LRFN2: variants seen among roughly 807,000 people sequenced by gnomAD.
The protein encoded by LRFN2 is leucine-rich repeat and fibronectin type-III domain-containing protein 2.
A neutral mutation model predicts 37.3 loss-of-function variants in LRFN2; 18 were observed. The observed-to-expected ratio is 0.48, with a 90% confidence interval of 0.33 to 0.72. The LOEUF is 0.72. Among genes scored for constraint, LRFN2 ranks in the 30% least tolerant of loss-of-function variants. LRFN2 has a pLI of 0.02. For missense variants in LRFN2, 1,006 were observed against 1,060.7 expected (o/e 0.95, Z 0.72); for synonymous variants, 556 against 466.6 (o/e 1.19, Z -2.47).
intron 2 of LRFN2, among the ~76,000 whole-genome samples, chr6:40,415,210 T>TTTTTGTTTTGTTTTGTTTTG (rs5875718): frequency 3.3e-5 from 5 of 150,162 alleles, no homozygotes; most frequent in African/African-American, 4.9e-5. Context: ...CTTTTACTTG[T>TTTTTGTTTTGTTTTGTTTTG]TTTTGTTTTG....
At chr6:40,402,181 G>A (rs548076615) in intron 2 of LRFN2, among the ~76,000 whole-genome samples, 2 of 152,322 alleles carry the variant, frequency 1.3e-5, no homozygotes, top group East Asian at 3.9e-4. Context: ...CTTACTACGT[G>A]CCAGGAACTT....
chr6:40,542,958 C>T (rs1006551157), intron 1 of LRFN2, among the ~76,000 whole-genome samples: 5 of 152,204 alleles, frequency 3.3e-5, no homozygotes, highest in South Asian at 2.1e-4. Flanking sequence ...GCAAAGTGAA[C>T]GAGTGCTAAG....
intron 1 of LRFN2, among the ~76,000 whole-genome samples, chr6:40,558,007 C>T (rs1023279794): frequency 6.6e-6 from 1 of 152,196 alleles, no homozygotes; most frequent in Non-Finnish European, 1.5e-5. Flanking sequence ...GTCCACTTGC[C>T]TGAAAGAAGA....
chr6:40,456,119 C>A (rs915602806), intron 1 of LRFN2, among the ~76,000 whole-genome samples: 5 of 152,154 alleles, frequency 3.3e-5, no homozygotes, highest in African/African-American at 1.2e-4. Context: ...CTGAATTCTG[C>A]CAACTTAGAA....
chr6:40,528,572 G>A (rs2113907595), intron 1 of LRFN2, among the ~76,000 whole-genome samples: 1 of 152,284 alleles, frequency 6.6e-6, no homozygotes, highest in Middle Eastern at 3.4e-3. Flanking sequence ...ATAGGCTAAG[G>A]GCTCCAGGCT....
chr6:40,574,349 C>T (rs1767237617), intron 1 of LRFN2, among the ~76,000 whole-genome samples: 1 of 152,110 alleles, frequency 6.6e-6, no homozygotes. Flanking sequence ...GTACACAGCT[C>T]CTAAGTGGAA....
At chr6:40,577,080 T>A (rs1340837256) in intron 1 of LRFN2, among the ~76,000 whole-genome samples, 2 of 136,182 alleles carry the variant, frequency 1.5e-5, no homozygotes, top group Non-Finnish European at 3.2e-5. Flanking sequence ...CAAGGCCCAT[T>A]TTCTTTTCTT....
intron 1 of LRFN2, among the ~76,000 whole-genome samples, chr6:40,564,849 G>A (rs896492918): frequency 6.6e-6 from 1 of 152,028 alleles, no homozygotes; most frequent in African/African-American, 2.4e-5. Flanking sequence ...TCCACCATCA[G>A]TGTGATCATA....
At chr6:40,492,392 GCC>G (rs1482463395) in intron 1 of LRFN2, among the ~76,000 whole-genome samples, 2 of 151,998 alleles carry the variant, frequency 1.3e-5, no homozygotes, top group Non-Finnish European at 2.9e-5. Flanking sequence ...TCCTCTCTCA[GCC>G]CCCTCTCTGG....
chr6:40,451,480 G>A (rs1259046957), intron 1 of LRFN2, among the ~76,000 whole-genome samples: 1 of 152,180 alleles, frequency 6.6e-6, no homozygotes, highest in African/African-American at 2.4e-5. Context: ...ACAGGGGAAG[G>A]GACGAGACAA....
At chr6:40,435,036 T>C (rs1367984706) in intron 1 of LRFN2, among the ~76,000 whole-genome samples, 1 of 92,998 alleles carries the variant, frequency 1.1e-5, no homozygotes, top group African/African-American at 4.5e-5. Flanking sequence ...TATATATATA[T>C]ATATATATAT....
At chr6:40,561,085 C>A (rs1766985176) in intron 1 of LRFN2, among the ~76,000 whole-genome samples, 1 of 152,156 alleles carries the variant, frequency 6.6e-6, no homozygotes, top group African/African-American at 2.4e-5. Flanking sequence ...AGAGAGGTAC[C>A]TTCAATGGGA....
intron 1 of LRFN2, among the ~76,000 whole-genome samples, chr6:40,521,654 G>A (rs540424089): frequency 6.6e-6 from 1 of 152,342 alleles, no homozygotes; most frequent in South Asian, 2.1e-4. Context: ...GCAGGGAGGG[G>A]AGGAGGCAGG....
chr6:40,487,670 G>A (rs1764995357), intron 1 of LRFN2, among the ~76,000 whole-genome samples: 2 of 152,218 alleles, frequency 1.3e-5, no homozygotes, highest in Admixed American at 6.5e-5. Context: ...GAAAGTCAAT[G>A]GGTTTCATCA....
At chr6:40,502,994 C>T (rs1765428506) in intron 1 of LRFN2, among the ~76,000 whole-genome samples, 1 of 152,178 alleles carries the variant, frequency 6.6e-6, no homozygotes, top group African/African-American at 2.4e-5. Context: ...ACAGAGAGAA[C>T]AGCATGTTCC....
At chr6:40,420,690 T>A (rs562257755) in intron 2 of LRFN2, among the ~76,000 whole-genome samples, 11 of 152,242 alleles carry the variant, frequency 7.2e-5, no homozygotes, top group Non-Finnish European at 1.5e-4. Context: ...ACAATCGCCT[T>A]CCTCAGCCTC....
chr6:40,492,683 G>GC (rs1765119940), intron 1 of LRFN2, among the ~76,000 whole-genome samples: 1 of 152,090 alleles, frequency 6.6e-6, no homozygotes, highest in South Asian at 2.1e-4. Flanking sequence ...GGGCATCACT[G>GC]CATGGCAGCC....
rs564283287 is a variant in LRFN2 at position 40,407,199 on chromosome 6, T to A, written c.1401-14287A>T. On this transcript the variant is annotated intron_variant, in intron 2 of 2. Transcript: ENST00000338305. Reference sequence around the variant, plus strand: ...CTCTCTCTCTCATTCTGTGTATGTGTGTGTGTCCTCATTCAGGTCTCCACA... The same window carrying A: ...CTCTCTCTCTCATTCTGTGTATGTGAGTGTGTCCTCATTCAGGTCTCCACA... Among the ~76,000 whole-genome samples the A allele has an allele frequency of 1.9e-4, 29 of 152,364 alleles. 1 individual carries two copies. In the South Asian group the frequency reaches 6.0e-3, roughly 32 times the overall value.
chr6:40,476,409 T>C (rs1030977035), intron 1 of LRFN2, among the ~76,000 whole-genome samples: 4 of 152,186 alleles, frequency 2.6e-5, no homozygotes, highest in African/African-American at 9.7e-5. Context: ...CTCCCCAACC[T>C]CACTGTAAGA....
Sources: allele counts gnomAD v4.1 joint callset (sites outside exome capture counted in the v4.1 genomes callset), GRCh38; gene constraint gnomAD v4.1.1; transcripts MANE v1.5; gene names NCBI Gene and HGNC (gene_info 2026-07-23, HGNC 2026-07-21).